Variants in GTF2I observed in about 807,000 individuals in gnomAD.
The protein encoded by GTF2I is general transcription factor IIi.
A neutral mutation model predicts 67.6 loss-of-function variants in GTF2I; 12 were observed. The observed-to-expected ratio is 0.18, with a 90% CI of 0.11 to 0.29. The LOEUF is 0.29. Among genes scored for constraint, GTF2I ranks in the 10% least tolerant of loss-of-function variants. GTF2I has a pLI of 1.00. For synonymous variants in GTF2I, 149 were observed against 197.0 expected, an observed-to-expected ratio of 0.76 and a Z score of 2.04; for missense variants, 271 against 580.1, an observed-to-expected ratio of 0.47 and a Z score of 5.47.
At chr7:74,673,068 G>A (rs1805597643) in intron 1 of GTF2I, among the ~76,000 whole-genome samples, 2 of 152,122 alleles carry the variant, frequency 1.3e-5, no homozygotes, top group African/African-American at 2.4e-5. Flanking sequence ...CACCGTGTTA[G>A]CCAGGATGGT....
chr7:74,695,821 G>C (rs968338229), intron 3 of GTF2I, among the ~76,000 whole-genome samples: 1 of 151,988 alleles, frequency 6.6e-6, no homozygotes, highest in Non-Finnish European at 1.5e-5. Context: ...ATCAGCTGCT[G>C]TCTGCCCCAC....
chr7:74,731,200 TATC>T (rs1474447524), intron 14 of GTF2I, among the ~76,000 whole-genome samples: 15 of 148,250 alleles, frequency 1.0e-4, no homozygotes, highest in African/African-American at 1.2e-4. Flanking sequence ...TCATATTTAT[TATC>T]ATCTGTTATC....
rs1554396246 is a variant in GTF2I at position 74,689,207 on chromosome 7, A to C, written c.79A>C (p.Met27Leu). The change falls in exon 2 of 35, where the codon ATG (methionine) becomes CTG (leucine). Residue 27 changes from methionine (M) to leucine (L), a missense_variant. Around this residue, in one of 9 missense-constraint regions of GTF2I, gnomAD observed 10 missense variants for 44.0 expected, o/e 0.23. Coordinates refer to ENST00000573035, the MANE Select transcript of GTF2I (RefSeq NM_032999.4). ...SESRMVVTFL[M>L]SALESMCKEL... The stretch of plus-strand genomic sequence containing the variant: ...GAGCAGGATGGTGGTGACATTCCTC[A>C]TGTCAGCTCTCGAGTCCATGGTGAG... 6.2e-7 allele frequency: 1 copy of C among 1,606,794 alleles called. No homozygotes were observed.
chr7:74,699,018 C>A lies in GTF2I; in HGVS notation c.296C>A (p.Ala99Glu). ...EMHKMKSTTQANRMSVDAVEI... is the reference protein window; with the variant it reads ...EMHKMKSTTQENRMSVDAVEI... ...CATAAAATGAAATCTACAACCCAGGCAAATCGGATGAGTGTAGATGCTGTA... is the reference window on the plus strand; with the variant it reads ...CATAAAATGAAATCTACAACCCAGGAAAATCGGATGAGTGTAGATGCTGTA... Residue 99 changes from alanine to glutamate, a missense_variant, in exon 4 of 35, where the codon GCA (alanine) becomes GAA (glutamate). Around this residue, in one of 9 missense-constraint regions of GTF2I, gnomAD observed 72 missense variants for 87.4 expected, o/e 0.82. Coordinates refer to ENST00000573035, the MANE Select transcript of GTF2I (RefSeq NM_032999.4). The A allele has an allele frequency of 6.5e-7, 1 of 1,540,340 alleles. No homozygotes were observed. The highest frequency in any genetic ancestry group is 8.8e-7 in the Non-Finnish European group (1 of 1,136,864).
chr7:74,678,730 A>G (rs1171730052), intron 1 of GTF2I, among the ~76,000 whole-genome samples: 5 of 152,162 alleles, frequency 3.3e-5, no homozygotes, highest in South Asian at 2.1e-4. Flanking sequence ...GTTTTGTGAC[A>G]TAAGTAATGT....
At position 74,705,234 on chromosome 7, in the gene GTF2I, A is replaced by G. The variant is rs1231452753; in HGVS notation, c.641+16A>G. ...CAGGTGGAAGGTAAAACCTAATTTC[A>G]TTACTGCTGTTTAACTCCCACACCT... On this transcript the variant is annotated intron_variant, in intron 7 of 34. Transcript: ENST00000573035. The G allele has an allele frequency of 3.3e-6, 5 of 1,502,222 alleles. 1 individual carries two copies. Among genetic ancestry groups the G allele is most frequent in the African/African-American group, 1.4e-5 (1 of 72,924 alleles). 93.1% of individuals were successfully genotyped at this position (1,502,222 alleles called of 1,614,324 possible).
intron 1 of GTF2I, among the ~76,000 whole-genome samples, chr7:74,683,784 T>G (rs2131266083): frequency 6.6e-6 from 1 of 151,998 alleles, no homozygotes; most frequent in African/African-American, 2.4e-5. Context: ...ACCCAGGAGC[T>G]GGAGATTTCA....
intron 11 of GTF2I, among the ~76,000 whole-genome samples, chr7:74,717,472 G>A (rs1792399787): frequency 6.6e-6 from 1 of 152,010 alleles, no homozygotes; most frequent in Non-Finnish European, 1.5e-5. Context: ...AGAATTGAAC[G>A]CCTGACTGAG....
rs1554384401 is a variant in GTF2I, at chr7:74,657,946, C to G, written c.-128C>G. On this transcript the variant is annotated 5_prime_UTR_variant, in exon 1 of 35. Transcript: ENST00000573035. ...GGGCCCCTCGCCCCCTCTCGCCTCCCGTCCGCTCGCCAGCTCCCCTCAGCC... is the reference window on the plus strand; with the variant it reads ...GGGCCCCTCGCCCCCTCTCGCCTCCGGTCCGCTCGCCAGCTCCCCTCAGCC... 1 of 152,076 alleles carries G rather than the reference C, an allele frequency of 6.6e-6. No homozygotes were observed. The highest frequency in any genetic ancestry group is 1.5e-5 in the Non-Finnish European group (1 of 68,058). The allele number at this position is 152,076 out of a possible 1,614,324, so 9.4% of individuals were successfully genotyped here.
intron 1 of GTF2I, among the ~76,000 whole-genome samples, chr7:74,680,079 C>CAAAAAAAAAAAAAAAAAAAAAAAAA (rs1225904374): frequency 3.3e-5 from 1 of 30,520 alleles, no homozygotes; most frequent in African/African-American, 1.4e-4. Flanking sequence ...GAGTCCATCT[C>CAAAAAAAAAAAAAAAAAAAAAAAAA]AAAAAAAAAA....
In GTF2I at chr7:74,758,833, TG is replaced by T; in HGVS notation, c.2994del (p.Trp998CysfsTer7). On this transcript the variant is annotated frameshift_variant, in exon 34 of 35. Coordinates refer to ENST00000573035, the MANE Select transcript of GTF2I (RefSeq NM_032999.4). LOFTEE classifies it high-confidence loss of function. The stretch of plus-strand genomic sequence containing the variant: ...GATCAAGCAAGAACCAGACCCCACG[TG>T]GTAGACCTCTTCCCTCCTAGGGTAA... ...SQIKQEPDPT[W>X] 1 of 981,952 alleles carries T rather than the reference TG, an allele frequency of 1.0e-6. No individual in the cohort carries two copies. Among genetic ancestry groups the T allele is most frequent in the Non-Finnish European group, 1.7e-6 (1 of 605,540 alleles). The allele number at this position is 981,952 out of a possible 1,614,324, so 60.8% of individuals were successfully genotyped here.
chr7:74,658,347 C>T (rs1406621718), intron 1 of GTF2I, among the ~76,000 whole-genome samples: 1 of 147,872 alleles, frequency 6.8e-6, no homozygotes, highest in South Asian at 2.1e-4. Context: ...TCGCGGGGGA[C>T]GACAGTGGCA....
intron 24 of GTF2I, 121 bp from the exon 25 acceptor site, chr7:74,748,902 ACT>A (rs1554409562): frequency 2.2e-6 from 1 of 446,380 alleles, no homozygotes; most frequent in Admixed American, 2.8e-5. Context: ...CAAGAGCGAA[ACT>A]CTGTCTCAAC....
intron 12 of GTF2I, among the ~76,000 whole-genome samples, chr7:74,723,428 CTT>C (rs58149301): frequency 5.2e-4 from 32 of 61,070 alleles, no homozygotes; most frequent in East Asian, 4.4e-3. Context: ...CTCCCGGCCT[CTT>C]TTTTTTTTTT....
chr7:74,689,053 T>G, intron 1 of GTF2I, 71 bp from the exon 2 acceptor site: 1 of 866,822 alleles, frequency 1.2e-6, no homozygotes, highest in Non-Finnish European at 1.9e-6. Context: ...TGAGGGGCCC[T>G]CACAGCTTTG....
intron 1 of GTF2I, 83 bp from the exon 2 acceptor site, chr7:74,689,041 G>T: frequency 1.3e-6 from 1 of 760,562 alleles, no homozygotes; most frequent in Non-Finnish European, 2.3e-6. Context: ...TTAGGCAGCC[G>T]GTGAGGGGCC....
chr7:74,707,207 G>A (rs10232099), intron 8 of GTF2I, among the ~76,000 whole-genome samples: 1,810 of 152,282 alleles, frequency 0.012, 33 homozygotes, highest in African/African-American at 0.042. Flanking sequence ...CTCAGCATAT[G>A]TATTTATTTC....
intron 12 of GTF2I, among the ~76,000 whole-genome samples, chr7:74,720,203 T>C (rs1400497597): frequency 6.6e-6 from 1 of 152,242 alleles, no homozygotes; most frequent in African/African-American, 2.4e-5. Context: ...ACATATTCCA[T>C]AGGCCTCCCC....
At chr7:74,687,631 G>A in intron 1 of GTF2I, 1 of 753,226 alleles carries the variant, frequency 1.3e-6, no homozygotes, top group Non-Finnish European at 1.6e-6. Flanking sequence ...GATAAAGCTA[G>A]ATCACAGTCT....
Sources: allele counts gnomAD v4.1 joint callset (sites outside exome capture counted in the v4.1 genomes callset), GRCh38; gene constraint gnomAD v4.1.1; regional missense constraint gnomAD v4.1.1; transcripts MANE v1.5; gene names NCBI Gene and HGNC (gene_info 2026-07-23, HGNC 2026-07-21).